TMEM168: variants seen among roughly 807,000 people sequenced by gnomAD.
TMEM168 encodes transmembrane protein 168.
TMEM168 carries 40 observed loss-of-function variants against 53.2 expected under a neutral mutation model. That is an observed-to-expected ratio of 0.75 (90% confidence interval 0.58 to 0.98). TMEM168 has a LOEUF of 0.98. Ranked by LOEUF, TMEM168 falls within the 50% of genes least tolerant of loss-of-function variation. TMEM168 has a pLI of 0.00. For missense variants in TMEM168, 771 were observed against 828.8 expected (o/e 0.93, Z 0.86); for synonymous variants, 282 against 293.0 (o/e 0.96, Z 0.38).
At chr7:112,780,996 GC>G (rs1793216207) in intron 2 of TMEM168, among the ~76,000 whole-genome samples, 1 of 143,930 alleles carries the variant, frequency 6.9e-6, no homozygotes, top group African/African-American at 2.6e-5. Flanking sequence ...ATTTTGTTTT[GC>G]AGGCCATACA....
chr7:112,784,059 A>G lies in TMEM168; in HGVS notation c.767T>C (p.Leu256Ser), dbSNP rs1482146166. ...TCTTCTGCAAATTCTTCCACGGTAC[A>G]AAAAGGGTTTCCATCTTTCAGTTAC... ...LSVTERWKPFLYRGRICRRLS... is the reference protein window; with the variant it reads ...LSVTERWKPFSYRGRICRRLS... The change falls in exon 2 of 5, where the codon TTG becomes TCG. Residue 256 changes from leucine to serine, a missense_variant. Transcript: ENST00000312814. 1.2e-6 allele frequency: 2 copies of G among 1,612,942 alleles called. No individual in the cohort carries two copies. Among genetic ancestry groups the G allele is most frequent in the East Asian group, 2.2e-5 (1 of 44,858 alleles).
intron 2 of TMEM168, chr7:112,778,412 C>G (rs1793147426): frequency 6.6e-6 from 1 of 152,158 alleles, no homozygotes; most frequent in Non-Finnish European, 1.5e-5. Flanking sequence ...TCTTTTATAA[C>G]CTACATTGAG....
chr7:112,781,649 C>T (rs1216648428), intron 2 of TMEM168, among the ~76,000 whole-genome samples: 2 of 150,880 alleles, frequency 1.3e-5, no homozygotes, highest in Non-Finnish European at 2.9e-5. Context: ...ATTCAATAGG[C>T]GAAATGTTAA....
At position 112,773,056 on chromosome 7, in the gene TMEM168, C is replaced by G; in HGVS notation, c.1272-1G>C. On this transcript the variant is annotated splice_acceptor_variant, in intron 3 of 4. Transcript: ENST00000312814. LOFTEE classifies it high-confidence loss of function. ...AAGCAGTGTTGGCTGACCATCAGGA[C>G]TGAAGTAGGAGAAAAAACAAGAAGT... 2 of 1,591,434 alleles carry G rather than the reference C, an allele frequency of 1.3e-6. No individual in the cohort carries two copies. The highest frequency in any genetic ancestry group is 8.6e-7 in the Non-Finnish European group (1 of 1,165,270).
chr7:112,784,447 GCAAATA>G lies in TMEM168; in HGVS notation c.373_378del (p.Tyr125_Leu126del). ...ATCCTTAACACTATGGATGTTAGAAGCAAATATTTGGTTGATTCTTCTTTTACATCA... is the reference window on the plus strand; with the variant it reads ...ATCCTTAACACTATGGATGTTAGAAGTTTGGTTGATTCTTCTTTTACATCA... On this transcript the variant is annotated inframe_deletion, in exon 2 of 5. Coordinates refer to ENST00000312814, the MANE Select transcript of TMEM168 (RefSeq NM_022484.6). 1.2e-6 allele frequency: 2 copies of G among 1,613,978 alleles called. No homozygotes were observed. The highest frequency in any genetic ancestry group is 1.7e-6 in the Non-Finnish European group (2 of 1,179,972).
chr7:112,772,437 C>T (rs1792951809), intron 4 of TMEM168, among the ~76,000 whole-genome samples: 1 of 152,148 alleles, frequency 6.6e-6, no homozygotes, highest in African/African-American at 2.4e-5. Flanking sequence ...TGAAGGACTA[C>T]TGAAATCTGC....
At chr7:112,772,586 C>T (rs190345061) in intron 4 of TMEM168, among the ~76,000 whole-genome samples, 195 bp downstream of exon 4, 155 of 152,234 alleles carry the variant, frequency 1.0e-3, no homozygotes, top group African/African-American at 3.5e-3. Context: ...CACTATAAGA[C>T]GTAATTCCCA....
intron 2 of TMEM168, among the ~76,000 whole-genome samples, chr7:112,781,755 T>A (rs1257285995): frequency 6.7e-6 from 1 of 149,644 alleles, no homozygotes; most frequent in East Asian, 1.9e-4. Flanking sequence ...TCAAAATGGA[T>A]CATACACCTA....
At chr7:112,779,159 G>A (rs1299038836) in intron 2 of TMEM168, among the ~76,000 whole-genome samples, 1 of 151,980 alleles carries the variant, frequency 6.6e-6, no homozygotes, top group Non-Finnish European at 1.5e-5. Flanking sequence ...CCAAACTGCT[G>A]GAATTACAAA....
rs542282830 is a variant in TMEM168 at position 112,772,766 on chromosome 7, C to G, written c.1546+15G>C. On this transcript the variant is annotated intron_variant, in intron 4 of 4. Coordinates refer to ENST00000312814, the MANE Select transcript of TMEM168 (RefSeq NM_022484.6). ...TGTATCTTTACAATAGTGAAACTGC[C>G]AAAGGTGAGTTTACCTGCTAGAGCC... 1.6e-5 allele frequency: 25 copies of G among 1,605,588 alleles called. No individual in the cohort carries two copies. The East Asian group carries it at 5.6e-4, about 36-fold the overall frequency.
intron 2 of TMEM168, among the ~76,000 whole-genome samples, chr7:112,780,044 G>A (rs1474479816): frequency 6.6e-6 from 1 of 152,156 alleles, no homozygotes; most frequent in Non-Finnish European, 1.5e-5. Context: ...CTTGTTTCAG[G>A]AAATTTAAGA....
rs993767961 is a variant in TMEM168, at chr7:112,787,924, G to T, written c.-129+2236C>A. On this transcript the variant is annotated intron_variant, in intron 1 of 4. Coordinates refer to ENST00000312814, the MANE Select transcript of TMEM168 (RefSeq NM_022484.6). ...ATTTTGTATTTTTAGTAGAGATGGG[G>T]TTTCTCCATGTTGGTCAGGCTGGTC... Among the ~76,000 whole-genome samples the T allele has an allele frequency of 3.3e-5, 5 of 151,370 alleles. No homozygotes were observed. The South Asian group carries it at 8.4e-4, about 25-fold the overall frequency.
At chr7:112,786,619 C>A (rs1429118339) in intron 1 of TMEM168, among the ~76,000 whole-genome samples, 1 of 151,536 alleles carries the variant, frequency 6.6e-6, no homozygotes, top group Non-Finnish European at 1.5e-5. Context: ...TTAAACATCA[C>A]TAATGTGTGT....
At chr7:112,788,180 C>A (rs991928723) in intron 1 of TMEM168, among the ~76,000 whole-genome samples, 2 of 152,154 alleles carry the variant, frequency 1.3e-5, no homozygotes, top group Non-Finnish European at 2.9e-5. Context: ...GAAGGTTCTT[C>A]ATTCTCAACC....
At chr7:112,781,681 G>A (rs185914939) in intron 2 of TMEM168, among the ~76,000 whole-genome samples, 67 of 151,642 alleles carry the variant, frequency 4.4e-4, no homozygotes, top group African/African-American at 1.6e-3. Flanking sequence ...AATGGTGCTG[G>A]GAACAATGAG....
intron 4 of TMEM168, among the ~76,000 whole-genome samples, chr7:112,769,845 G>A (rs1358889829): frequency 6.6e-6 from 1 of 151,852 alleles, no homozygotes; most frequent in East Asian, 1.9e-4. Context: ...AAAAATATTA[G>A]GTTCCATATC....
intron 2 of TMEM168, among the ~76,000 whole-genome samples, chr7:112,780,422 A>T (rs1793196294): frequency 6.6e-6 from 1 of 152,226 alleles, no homozygotes; most frequent in Non-Finnish European, 1.5e-5. Flanking sequence ...TTACCAAAAA[A>T]CTGCAAATAA....
At chr7:112,790,115 T>A (rs1304690899) in intron 1 of TMEM168, 45 bp downstream of exon 1, 1 of 152,464 alleles carries the variant, frequency 6.6e-6, no homozygotes, top group Non-Finnish European at 1.5e-5. Context: ...TGGCAGTGTC[T>A]ATGCCTAGAT....
At position 112,775,162 on chromosome 7, in the gene TMEM168, C is replaced by T. The variant is rs772916445; in HGVS notation, c.1271+14G>A. 4 of 1,594,528 alleles carry T rather than the reference C, an allele frequency of 2.5e-6. No individual in the cohort carries two copies. The highest frequency in any genetic ancestry group is 1.8e-5 in the Admixed American group (1 of 57,094). On this transcript the variant is annotated intron_variant, in intron 3 of 4. Transcript: ENST00000312814. ...AAGTGAATAGTTATCACTAACTATACTAGATTACTGTACCTGCAGAAGTTG... is the reference window on the plus strand; with the variant it reads ...AAGTGAATAGTTATCACTAACTATATTAGATTACTGTACCTGCAGAAGTTG...
Sources: allele counts gnomAD v4.1 joint callset (sites outside exome capture counted in the v4.1 genomes callset), GRCh38; gene constraint gnomAD v4.1.1; transcripts MANE v1.5; gene names NCBI Gene and HGNC (gene_info 2026-07-23, HGNC 2026-07-21).